TSPAN3: variants seen among roughly 807,000 people sequenced by gnomAD.
TSPAN3 encodes the protein tetraspanin 3.
Under a neutral mutation model 31.1 loss-of-function variants are expected in TSPAN3, and 9 were observed. The ratio of observed to expected loss-of-function variants is 0.29; its 90% CI spans 0.17 to 0.50. The LOEUF (loss-of-function observed/expected upper bound fraction) is 0.50, where lower values mean the gene tolerates loss of function less well. Ranked by LOEUF, TSPAN3 falls within the 20% of genes least tolerant of loss-of-function variation. The pLI is 0.98. For synonymous variants in TSPAN3, 129 were observed against 114.3 expected (o/e 1.13, Z -0.82); for missense variants, 252 against 313.5 (o/e 0.80, Z 1.48).
In TSPAN3 at chr15:77,046,142, T is replaced by G. The variant is rs1204383065; in HGVS notation, c.*693A>C. 1 of 345,804 alleles carries G rather than the reference T, an allele frequency of 2.9e-6. No homozygotes were observed. Among genetic ancestry groups the G allele is most frequent in the Non-Finnish European group, 5.2e-6 (1 of 192,936 alleles). 21.4% of individuals were successfully genotyped at this position (345,804 alleles called of 1,614,324 possible). A position where few individuals can be genotyped will look rare whatever the true frequency, so the allele number is the denominator to read the frequency against. On this transcript the variant is annotated 3_prime_UTR_variant, in exon 7 of 7. Coordinates refer to ENST00000267970, the MANE Select transcript of TSPAN3 (RefSeq NM_005724.6). ...ACATTATTTCCAACAAGCTTAAGAC[T>G]TACCATGAATGGGCTCATTCATACA...
chr15:77,064,735 T>C (rs898555845), intron 1 of TSPAN3: 6 of 152,248 alleles, frequency 3.9e-5, no homozygotes, highest in Admixed American at 2.6e-4. Context: ...GATTTTCTTC[T>C]AGTGAATTGA....
At position 77,045,653 on chromosome 15, in the gene TSPAN3, A is replaced by T. The variant is rs2076686025; in HGVS notation, c.*1182T>A. 6.6e-6 allele frequency: 1 copy of T among 152,342 alleles called. No homozygotes were observed. The highest frequency in any genetic ancestry group is 1.5e-5 in the Non-Finnish European group (1 of 68,166). 9.4% of individuals were successfully genotyped at this position (152,342 alleles called of 1,614,324 possible). A position where few individuals can be genotyped will look rare whatever the true frequency, so the allele number is the denominator to read the frequency against. On this transcript the variant is annotated 3_prime_UTR_variant, in exon 7 of 7. Transcript: ENST00000267970. ...GCCTATCCAGCCTCCAAGCTTGGGC[A>T]TCTCCTCCAGGAAGTCACCCCTGAC...
chr15:77,051,809 TATC>T (rs1427178410), intron 6 of TSPAN3, among the ~76,000 whole-genome samples: 1 of 152,052 alleles, frequency 6.6e-6, no homozygotes, highest in Admixed American at 6.5e-5. Context: ...AGTGAGCTAT[TATC>T]ATGTCATTGC....
At chr15:77,064,462 T>C (rs2076819437) in intron 1 of TSPAN3, 1 of 152,218 alleles carries the variant, frequency 6.6e-6, no homozygotes, top group Non-Finnish European at 1.5e-5. Context: ...TAACCTGAAT[T>C]GGATCTTATG....
intron 1 of TSPAN3, among the ~76,000 whole-genome samples, chr15:77,059,993 C>A (rs1318139251): frequency 2.0e-5 from 3 of 152,156 alleles, no homozygotes; most frequent in East Asian, 3.8e-4. Flanking sequence ...AGCAGAAAAA[C>A]CAGCAACAGA....
At position 77,044,156 on chromosome 15, in the gene TSPAN3, C is replaced by A. The variant is rs1259856660; in HGVS notation, c.*2679G>T. On this transcript the variant is annotated 3_prime_UTR_variant, in exon 7 of 7. Coordinates refer to ENST00000267970, the MANE Select transcript of TSPAN3 (RefSeq NM_005724.6). The stretch of plus-strand genomic sequence containing the variant: ...ACCAGGGCTGTGTCCTGGACACACC[C>A]TAGAGCACCTTAGATGCTCTGGGAC... 1 of 152,212 alleles carries A rather than the reference C, an allele frequency of 6.6e-6. No homozygotes were observed. Among genetic ancestry groups the A allele is most frequent in the African/African-American group, 2.4e-5 (1 of 41,442 alleles). 9.4% of individuals were successfully genotyped at this position (152,212 alleles called of 1,614,324 possible).
chr15:77,064,395 T>C (rs182662869), intron 1 of TSPAN3: 1 of 152,316 alleles, frequency 6.6e-6, no homozygotes, highest in Admixed American at 6.5e-5. Context: ...TACACCCGTC[T>C]GGTCTAAGTA....
intron 6 of TSPAN3, among the ~76,000 whole-genome samples, chr15:77,051,246 G>C (rs1306292856): frequency 2.0e-5 from 3 of 152,042 alleles, no homozygotes; most frequent in Non-Finnish European, 4.4e-5. Context: ...CATAAGCTGA[G>C]GCTGGGCGCG....
chr15:77,055,724 C>G, intron 3 of TSPAN3, 65 bp downstream of exon 3: 1 of 1,238,138 alleles, frequency 8.1e-7, no homozygotes, highest in South Asian at 1.4e-5. Context: ...TGAATGTGTT[C>G]TATTTTACTT....
At chr15:77,047,346 A>C (rs999548348) in intron 6 of TSPAN3, among the ~76,000 whole-genome samples, 3 of 152,240 alleles carry the variant, frequency 2.0e-5, no homozygotes, top group Admixed American at 6.5e-5. Context: ...AAATGTAGAC[A>C]CATGTGGCTA....
rs1400775140 is a variant in TSPAN3 at position 77,041,597 on chromosome 15, C to G, written c.*5238G>C. The G allele has an allele frequency of 6.6e-6, 1 of 152,038 alleles. No individual in the cohort carries two copies. The highest frequency in any genetic ancestry group is 1.9e-4 in the East Asian group (1 of 5,192). The allele number at this position is 152,038 out of a possible 1,614,324, so 9.4% of individuals were successfully genotyped here. A position where few individuals can be genotyped will look rare whatever the true frequency, so the allele number is the denominator to read the frequency against. On this transcript the variant is annotated 3_prime_UTR_variant, in exon 7 of 7. Transcript: ENST00000267970. ...GATGGGTTTCACCATGTTGGCCAGG[C>G]TGGTTTTGAACTCCTGATCTCAAGT...
intron 4 of TSPAN3, among the ~76,000 whole-genome samples, 195 bp downstream of exon 4, chr15:77,053,983 G>C (rs1220344896): frequency 5.3e-5 from 8 of 152,110 alleles, no homozygotes; most frequent in Admixed American, 5.2e-4. Flanking sequence ...ATAAAAAAAA[G>C]TTCAAGATGT....
intron 1 of TSPAN3, 89 bp from the exon 2 acceptor site, chr15:77,056,344 T>C: frequency 9.8e-7 from 1 of 1,023,502 alleles, no homozygotes; most frequent in South Asian, 2.0e-5. Context: ...TAATGAGAGT[T>C]ACCGTAACTG....
In TSPAN3 at chr15:77,054,159, C is replaced by G. The variant is rs2076752697; in HGVS notation, c.432+19G>C. The G allele has an allele frequency of 6.3e-7, 1 of 1,593,990 alleles. No homozygotes were observed. Among genetic ancestry groups the G allele is most frequent in the Admixed American group, 1.7e-5 (1 of 59,824 alleles). ...TCGTGATTGGTCCTCAAAAACAAAT[C>G]TGCCTCAAGAAAGCTCACCTGTCTC... is the stretch of plus-strand genomic sequence containing the variant. On this transcript the variant is annotated intron_variant, in intron 4 of 6. Coordinates refer to ENST00000267970, the MANE Select transcript of TSPAN3 (RefSeq NM_005724.6).
intron 6 of TSPAN3, among the ~76,000 whole-genome samples, chr15:77,047,781 A>G (rs1282002227): frequency 6.6e-6 from 1 of 152,228 alleles, no homozygotes; most frequent in Admixed American, 6.5e-5. Context: ...TTTTTGTGAG[A>G]TAATTTGCTG....
At chr15:77,069,101 A>G (rs2076850940) in intron 1 of TSPAN3, among the ~76,000 whole-genome samples, 1 of 152,224 alleles carries the variant, frequency 6.6e-6, no homozygotes, top group Non-Finnish European at 1.5e-5. Flanking sequence ...AGTCATTTAG[A>G]AATGTAAATA....
intron 3 of TSPAN3, chr15:77,054,501 T>A: frequency 3.2e-6 from 1 of 313,378 alleles, no homozygotes. Flanking sequence ...CCACATACAT[T>A]CAAGCATTCA....
intron 6 of TSPAN3, among the ~76,000 whole-genome samples, chr15:77,048,802 G>GA (rs898129651): frequency 3.3e-5 from 5 of 151,744 alleles, no homozygotes; most frequent in Non-Finnish European, 5.9e-5. Flanking sequence ...TGCAAAAATT[G>GA]AAAAAAATGA....
chr15:77,068,891 G>T (rs2076849664), intron 1 of TSPAN3, among the ~76,000 whole-genome samples: 1 of 152,144 alleles, frequency 6.6e-6, no homozygotes, highest in Non-Finnish European at 1.5e-5. Context: ...TACCACTGAT[G>T]GCCATTTGGG....
Sources: allele counts gnomAD v4.1 joint callset (sites outside exome capture counted in the v4.1 genomes callset), GRCh38; gene constraint gnomAD v4.1.1; transcripts MANE v1.5; gene names NCBI Gene and HGNC (gene_info 2026-07-23, HGNC 2026-07-21).